CES5A: variants seen among roughly 807,000 people sequenced by gnomAD.
The protein encoded by CES5A is carboxylesterase 5A.
In CES5A, 67 loss-of-function variants were observed where a neutral mutation model predicts 62.9. The observed-to-expected ratio is 1.07, with a 90% CI of 0.88 to 1.31. The LOEUF (loss-of-function observed/expected upper bound fraction) is 1.31. Among genes scored for constraint, CES5A ranks in the 50% most tolerant of loss-of-function variants. The pLI is 0.00. For synonymous variants in CES5A, 296 were observed against 280.8 expected (o/e 1.05, Z -0.54); for missense variants, 748 against 708.5 (o/e 1.06, Z -0.63).
rs2034470441 is a variant in CES5A, at chr16:55,944,076, C to T, written c.160+5709G>A. On this transcript the variant is annotated intron_variant, in intron 2 of 13. Transcript: ENST00000521992. The stretch of plus-strand genomic sequence containing the variant: ...CATGCAGAGAAGTGACCAAGACCTC[C>T]AGGATAAATCATCTTCCATTTCCTG... 1.1e-5 allele frequency: 8 copies of T among 702,170 alleles called. No homozygotes were observed. In the East Asian group the frequency reaches 2.1e-4, roughly 19 times the overall value. The allele number at this position is 702,170 out of a possible 1,614,324, so 43.5% of individuals were successfully genotyped here.
At chr16:55,909,210 A>G (rs1284914202) in intron 1 of CES5A, among the ~76,000 whole-genome samples, 2 of 152,200 alleles carry the variant, frequency 1.3e-5, no homozygotes, top group Non-Finnish European at 2.9e-5. Flanking sequence ...GAACTTGGGA[A>G]GCCAGGGTGA....
At chr16:55,924,272 CA>C (rs1430243188) in intron 1 of CES5A, among the ~76,000 whole-genome samples, 1 of 151,668 alleles carries the variant, frequency 6.6e-6, no homozygotes. Context: ...TTAAATATGC[CA>C]ATAGCAAACA....
chr16:55,871,631 C>T lies in CES5A; in HGVS notation c.411G>A (p.Lys137=). The change falls in exon 3 of 13, where the codon AAG becomes AAA. Residue 137 remains lysine (K), a synonymous_variant. Coordinates refer to ENST00000290567, the MANE Select transcript of CES5A (RefSeq NM_001143685.2). ...YAPAHADTGS[K]LPVLVWFPGG... is the part of the protein sequence containing the mutation. ...ACACAGCAGGCAGCCTTACGGGGAG[C>T]TTGGAGCCTGTATCGGCGTGGGCAG... 1 of 1,614,078 alleles carries T rather than the reference C, an allele frequency of 6.2e-7. No homozygotes were observed. The highest frequency in any genetic ancestry group is 8.5e-7 in the Non-Finnish European group (1 of 1,180,008).
chr16:55,922,366 C>G (rs1361283168), intron 1 of CES5A, among the ~76,000 whole-genome samples: 1 of 151,446 alleles, frequency 6.6e-6, no homozygotes, highest in African/African-American at 2.4e-5. Flanking sequence ...TCCATGCAAA[C>G]AGAAACCAAA....
At chr16:55,924,185 A>G (rs996126723) in intron 1 of CES5A, among the ~76,000 whole-genome samples, 1 of 151,728 alleles carries the variant, frequency 6.6e-6, no homozygotes, top group African/African-American at 2.4e-5. Context: ...TACACACACA[A>G]AAAAAACTGT....
At chr16:55,869,857 G>A (rs1338643416) in intron 3 of CES5A, 113 bp from the exon 4 acceptor site, 3 of 1,411,514 alleles carry the variant, frequency 2.1e-6, no homozygotes, top group Non-Finnish European at 2.8e-6. Flanking sequence ...TTGCTAAGCA[G>A]GGTGCGAGGT....
At chr16:55,855,088 G>A (rs143672491) in intron 9 of CES5A, among the ~76,000 whole-genome samples, 397 of 152,252 alleles carry the variant, frequency 2.6e-3, no homozygotes, top group South Asian at 0.025. Context: ...CAAGAGAGCT[G>A]CCTGTCCCCT....
At chr16:55,940,880 T>C (rs957768016) in intron 2 of CES5A, among the ~76,000 whole-genome samples, 2 of 151,854 alleles carry the variant, frequency 1.3e-5, no homozygotes, top group Admixed American at 6.6e-5. Flanking sequence ...ATCTACTATA[T>C]TAAAATTTTA....
At chr16:55,908,867 C>A (rs2034065215) in intron 1 of CES5A, among the ~76,000 whole-genome samples, 1 of 152,216 alleles carries the variant, frequency 6.6e-6, no homozygotes, top group Non-Finnish European at 1.5e-5. Context: ...TGGACATGGT[C>A]ACTTAGTACC....
chr16:55,891,144 C>G (rs1160209542), intron 1 of CES5A, among the ~76,000 whole-genome samples: 1 of 152,132 alleles, frequency 6.6e-6, no homozygotes, highest in African/African-American at 2.4e-5. Context: ...CCTCGTCACT[C>G]TCTTTAAATT....
rs2033877765 is a variant in CES5A, at chr16:55,891,508, T to C, written c.-255-17471A>G. ...ATATGTAAAATGAACATTGGTTCATTCCAGAAAGGCAGAACAACTCGAAGC... is the reference window on the plus strand; with the variant it reads ...ATATGTAAAATGAACATTGGTTCATCCCAGAAAGGCAGAACAACTCGAAGC... On this transcript the variant is annotated intron_variant, in intron 1 of 12. Transcript: ENST00000518005. 3.9e-5 allele frequency among the ~76,000 whole-genome samples: 6 copies of C among 152,126 alleles called. No individual in the cohort carries two copies. In the South Asian group the frequency reaches 1.2e-3, roughly 32 times the overall value.
At chr16:55,918,121 T>C (rs1332349476) in intron 1 of CES5A, among the ~76,000 whole-genome samples, 1 of 152,206 alleles carries the variant, frequency 6.6e-6, no homozygotes, top group African/African-American at 2.4e-5. Context: ...GGAGTATCTC[T>C]GCTTGACCCC....
At chr16:55,854,883 TCA>T (rs2033209156) in intron 9 of CES5A, among the ~76,000 whole-genome samples, 2 of 152,152 alleles carry the variant, frequency 1.3e-5, no homozygotes, top group South Asian at 4.1e-4. Flanking sequence ...CCTTCTGTTC[TCA>T]GTCTTTAGGA....
intron 4 of CES5A, among the ~76,000 whole-genome samples, chr16:55,867,372 A>G (rs7403998): frequency 0.29 from 44,038 of 152,126 alleles, 6,575 homozygotes; most frequent in Middle Eastern, 0.37. Context: ...GGGATTAATG[A>G]GAGAACAAAT....
At chr16:55,857,523 T>C (rs1175097978) in intron 8 of CES5A, among the ~76,000 whole-genome samples, 1 of 152,214 alleles carries the variant, frequency 6.6e-6, no homozygotes, top group African/African-American at 2.4e-5. Flanking sequence ...CCTCCTGGAA[T>C]CTCAGGGAAT....
Position 55,848,768 on chromosome 16 carries a change from A to G in CES5A, c.1423+856T>C, listed in dbSNP as rs184655548. ...TGACTTTTTCCAGTTTAGGGAGTCC[A>G]TGTGCCATTACATAGTATGGGCTCA... On this transcript the variant is annotated intron_variant, in intron 11 of 12. Coordinates refer to ENST00000290567, the MANE Select transcript of CES5A (RefSeq NM_001143685.2). Among the ~76,000 whole-genome samples the G allele has an allele frequency of 1.4e-3, 215 of 152,334 alleles. 1 individual carries two copies. The highest frequency in any genetic ancestry group is 6.8e-3 in the Middle Eastern group (2 of 294).
At chr16:55,889,471 A>C (rs973108737) in intron 1 of CES5A, among the ~76,000 whole-genome samples, 2 of 152,144 alleles carry the variant, frequency 1.3e-5, no homozygotes, top group Non-Finnish European at 2.9e-5. Flanking sequence ...TCAAGTCAAC[A>C]CTTTACTCAC....
At chr16:55,879,364 C>A (rs1597132148), upstream of CES5A, among the ~76,000 whole-genome samples, 1 of 152,040 alleles carries the variant, frequency 6.6e-6, no homozygotes, top group South Asian at 2.1e-4. Flanking sequence ...TCACTGTACC[C>A]CCATTACTGC....
chr16:55,856,351 G>A (rs2033242502), intron 9 of CES5A, 26 bp downstream of exon 9: 4 of 1,609,314 alleles, frequency 2.5e-6, no homozygotes, highest in Non-Finnish European at 3.4e-6. Flanking sequence ...TGTCTCTGGA[G>A]TACTGCAGCC....
Sources: gnomAD v4.1 joint callset for allele counts (sites outside exome capture counted in the v4.1 genomes callset) on GRCh38, gnomAD v4.1.1 for gene constraint, MANE v1.5 for transcripts, NCBI Gene and HGNC (gene_info 2026-07-23, HGNC 2026-07-21) for gene names.